ITPR2: variants seen among roughly 807,000 people sequenced by gnomAD.
ITPR2 encodes the protein inositol 1,4,5-trisphosphate-gated calcium channel ITPR2.
Under a neutral mutation model 317.1 loss-of-function variants are expected in ITPR2, and 207 were observed. That is an observed-to-expected ratio of 0.65 (90% CI 0.58 to 0.73). The LOEUF (loss-of-function observed/expected upper bound fraction) is 0.73. Ranked by LOEUF, ITPR2 falls within the 30% of genes least tolerant of loss-of-function variation. The probability of loss-of-function intolerance (pLI) is 0.00; values close to 1 mark genes in which losing one functional copy is unlikely to be tolerated. For missense variants in ITPR2, 2,613 were observed against 3,284.0 expected (o/e 0.80, Z 4.99); for synonymous variants, 1,156 against 1,149.1 (o/e 1.01, Z -0.12).
intron 47 of ITPR2, among the ~76,000 whole-genome samples, chr12:26,438,678 G>A (rs1941416570): frequency 6.6e-6 from 1 of 152,080 alleles, no homozygotes; most frequent in South Asian, 2.1e-4. Context: ...GGGAGGTAAA[G>A]ATATGTTCAA....
chr12:26,741,235 C>A (rs1366139842), intron 2 of ITPR2, among the ~76,000 whole-genome samples: 1 of 152,220 alleles, frequency 6.6e-6, no homozygotes, highest in Non-Finnish European at 1.5e-5. Context: ...GCCTTCCAGG[C>A]CTGGGAGGGC....
chr12:26,473,477 C>T (rs1206301239), intron 45 of ITPR2, among the ~76,000 whole-genome samples: 1 of 152,168 alleles, frequency 6.6e-6, no homozygotes, highest in African/African-American at 2.4e-5. Context: ...ACAACCTCCC[C>T]CATACAAAGC....
intron 45 of ITPR2, among the ~76,000 whole-genome samples, chr12:26,445,341 T>C (rs1451879761): frequency 6.6e-6 from 1 of 152,136 alleles, no homozygotes; most frequent in Non-Finnish European, 1.5e-5. Flanking sequence ...AGGTCAGTGC[T>C]GGAGCTGTGC....
chr12:26,580,648 A>G (rs746773401), intron 32 of ITPR2, among the ~76,000 whole-genome samples: 1 of 152,184 alleles, frequency 6.6e-6, no homozygotes, highest in African/African-American at 2.4e-5. Context: ...AGGTAGGAGA[A>G]GATAAATCAA....
At chr12:26,529,242 A>G (rs1943889405) in intron 37 of ITPR2, among the ~76,000 whole-genome samples, 1 of 152,160 alleles carries the variant, frequency 6.6e-6, no homozygotes, top group Non-Finnish European at 1.5e-5. Context: ...AACTCAGACA[A>G]CATCAAAGTC....
Position 26,831,751 on chromosome 12 carries a change from A to G in ITPR2, c.92+939T>C, listed in dbSNP as rs1450631668. Among the ~76,000 whole-genome samples, 1 of 119,054 alleles carries G rather than the reference A, an allele frequency of 8.4e-6. No individual in the cohort carries two copies. The highest frequency in any genetic ancestry group is 2.8e-5 in the African/African-American group (1 of 35,404). 78.1% of individuals were successfully genotyped at this position (119,054 alleles called of 152,430 possible). On this transcript the variant is annotated intron_variant, in intron 1 of 56. Transcript: ENST00000381340. This position sits in a 1 kb window ranked among gnomAD's most constrained non-coding sequence, Gnocchi z 4.9. ...TAAAATATATAAATATATATTCTAC[A>G]TAAAATATATAAATATATATTCTAC...
chr12:26,768,088 C>A (rs1463516876), intron 2 of ITPR2, among the ~76,000 whole-genome samples: 1 of 152,154 alleles, frequency 6.6e-6, no homozygotes, highest in East Asian at 1.9e-4. Context: ...TTAACATGTG[C>A]TTTTTCCCCA....
chr12:26,442,630 C>T (rs1341231441), intron 46 of ITPR2, among the ~76,000 whole-genome samples: 1 of 152,078 alleles, frequency 6.6e-6, no homozygotes, highest in Non-Finnish European at 1.5e-5. Flanking sequence ...GTTTTTGCTG[C>T]TAGTCCAGCT....
chr12:26,670,663 G>A lies in ITPR2; in HGVS notation c.1410-4612C>T, dbSNP rs529427161. Reference sequence around the variant, plus strand: ...AGCACCTCTCCTCCTCCAAAGGAACGCAGTTCCTCACCAGCAATGGAACAA... The same window carrying A: ...AGCACCTCTCCTCCTCCAAAGGAACACAGTTCCTCACCAGCAATGGAACAA... On this transcript the variant is annotated intron_variant, in intron 13 of 56. Coordinates refer to ENST00000381340, the MANE Select transcript of ITPR2 (RefSeq NM_002223.4). 2.4e-4 allele frequency among the ~76,000 whole-genome samples: 36 copies of A among 152,300 alleles called. No homozygotes were observed. In the Middle Eastern group the frequency reaches 0.014, roughly 58 times the overall value.
intron 45 of ITPR2, among the ~76,000 whole-genome samples, chr12:26,457,250 A>G (rs1941913541): frequency 6.6e-6 from 1 of 152,212 alleles, no homozygotes; most frequent in Non-Finnish European, 1.5e-5. Flanking sequence ...ACTTTTAGAT[A>G]CAAAGCAGGA....
chr12:26,754,355 C>T (rs1949483801), intron 2 of ITPR2, among the ~76,000 whole-genome samples: 2 of 152,126 alleles, frequency 1.3e-5, no homozygotes, highest in South Asian at 4.1e-4. Context: ...TTAGCCACAC[C>T]CCCTAACTAT....
chr12:26,707,653 C>T (rs1358860270), intron 9 of ITPR2, among the ~76,000 whole-genome samples: 1 of 152,180 alleles, frequency 6.6e-6, no homozygotes, highest in Non-Finnish European at 1.5e-5. Context: ...CCCACATCTG[C>T]CTCCCAAGTA....
chr12:26,698,549 T>G (rs944580610), intron 9 of ITPR2, among the ~76,000 whole-genome samples: 2 of 150,058 alleles, frequency 1.3e-5, no homozygotes, highest in Admixed American at 1.3e-4. Flanking sequence ...TGAGTAGGAG[T>G]GTGAGGGAAG....
intron 45 of ITPR2, among the ~76,000 whole-genome samples, chr12:26,467,879 G>A (rs1280833684): frequency 6.6e-6 from 1 of 152,050 alleles, no homozygotes; most frequent in Non-Finnish European, 1.5e-5. Flanking sequence ...GCCTATTAGA[G>A]GATTTAAATC....
chr12:26,782,808 A>G (rs751744889), intron 2 of ITPR2, among the ~76,000 whole-genome samples: 1 of 152,254 alleles, frequency 6.6e-6, no homozygotes, highest in Non-Finnish European at 1.5e-5. Flanking sequence ...CAAATCTGAA[A>G]TAGTTTCAGT....
rs748533015 is a variant in ITPR2, at chr12:26,622,237, T to C, written c.3288+3A>G. The stretch of plus-strand genomic sequence containing the variant: ...GGATGCATTGAGGGCTCTTCAATCT[T>C]ACCTGCTTAAATGCCTGTAAAACCT... On this transcript the variant is annotated splice_donor_region_variant and intron_variant, in intron 25 of 56. Transcript: ENST00000381340. 14 of 1,606,108 alleles carry C rather than the reference T, an allele frequency of 8.7e-6. No individual in the cohort carries two copies. In the East Asian group the frequency reaches 1.3e-4, roughly 15 times the overall value.
At chr12:26,478,826 AAAAGT>A (rs1381853182) in intron 43 of ITPR2, among the ~76,000 whole-genome samples, 5 of 152,168 alleles carry the variant, frequency 3.3e-5, no homozygotes, top group Non-Finnish European at 5.9e-5. Context: ...AATGAAAATA[AAAAGT>A]AAAGGACAAC....
At chr12:26,764,474 G>A (rs1055804085) in intron 2 of ITPR2, among the ~76,000 whole-genome samples, 4 of 151,998 alleles carry the variant, frequency 2.6e-5, no homozygotes, top group Non-Finnish European at 4.4e-5. Flanking sequence ...CTATGTCTTT[G>A]TATATTATTA....
At chr12:26,352,173 C>T (rs1363862278) in intron 55 of ITPR2, among the ~76,000 whole-genome samples, 1 of 152,234 alleles carries the variant, frequency 6.6e-6, no homozygotes, top group African/African-American at 2.4e-5. Context: ...GCAGCTAGAG[C>T]TCAGTCATAT....
Sources: allele counts gnomAD v4.1 joint callset (sites outside exome capture counted in the v4.1 genomes callset), GRCh38; gene constraint gnomAD v4.1.1; non-coding constraint Gnocchi (gnomAD v3.1); transcripts MANE v1.5; gene names NCBI Gene and HGNC (gene_info 2026-07-23, HGNC 2026-07-21).